Variants in RAPGEF4 observed in about 807,000 individuals in gnomAD.
RAPGEF4 encodes RAP guanine-nucleotide-exchange factor (GEF) 4.
A neutral mutation model predicts 147.9 loss-of-function variants in RAPGEF4; 66 were observed. The observed-to-expected ratio is 0.45, with a 90% confidence interval of 0.37 to 0.55. The LOEUF (loss-of-function observed/expected upper bound fraction) is 0.55, where lower values mean the gene tolerates loss of function less well. RAPGEF4 is among the 20% of genes least tolerant of loss of function. The probability of loss-of-function intolerance (pLI) is 0.00; values close to 1 mark genes in which losing one functional copy is unlikely to be tolerated. For missense variants in RAPGEF4, 1,071 were observed against 1,257.3 expected, an observed-to-expected ratio of 0.85 and a Z score of 2.24; for synonymous variants, 419 against 442.7, an observed-to-expected ratio of 0.95 and a Z score of 0.67.
intron 4 of RAPGEF4, among the ~76,000 whole-genome samples, chr2:172,893,274 AAGGCAGGGAGGCAC>A (rs896216224): frequency 1.6e-4 from 25 of 152,220 alleles, no homozygotes; most frequent in Non-Finnish European, 3.7e-4. Context: ...TGCCTGGGCA[AAGGCAGGGAGGCAC>A]AGACAGCCCC....
chr2:172,868,384 G>A (rs1405658397), intron 4 of RAPGEF4, among the ~76,000 whole-genome samples: 1 of 152,166 alleles, frequency 6.6e-6, no homozygotes, highest in Non-Finnish European at 1.5e-5. Context: ...ATTTCATTTT[G>A]TAGAATTAGA....
At chr2:172,741,518 T>C (rs1391150877) in intron 1 of RAPGEF4, among the ~76,000 whole-genome samples, 1 of 152,234 alleles carries the variant, frequency 6.6e-6, no homozygotes, top group Non-Finnish European at 1.5e-5. Flanking sequence ...CTAATGTGAA[T>C]ACTTTTTTAA....
intron 4 of RAPGEF4, among the ~76,000 whole-genome samples, chr2:172,888,655 A>T (rs374877803): frequency 6.6e-6 from 1 of 152,252 alleles, no homozygotes; most frequent in African/African-American, 2.4e-5. Flanking sequence ...TTTACCTTCT[A>T]TGAAAATATG....
intron 17 of RAPGEF4, among the ~76,000 whole-genome samples, chr2:173,013,443 A>C (rs1028216173): frequency 6.6e-6 from 1 of 152,248 alleles, no homozygotes; most frequent in Non-Finnish European, 1.5e-5. Flanking sequence ...ACAAGGCTAT[A>C]AAGTGGAGTT....
chr2:172,929,000 T>C (rs911686793), intron 6 of RAPGEF4, among the ~76,000 whole-genome samples: 1 of 152,196 alleles, frequency 6.6e-6, no homozygotes, highest in African/African-American at 2.4e-5. Context: ...TGGGAGAGTA[T>C]ATTGCTGTCT....
intron 18 of RAPGEF4, among the ~76,000 whole-genome samples, chr2:173,016,143 A>G (rs939243363): frequency 6.6e-6 from 1 of 152,172 alleles, no homozygotes; most frequent in African/African-American, 2.4e-5. Flanking sequence ...ATTGATTGCC[A>G]CTATTTCCAA....
intron 4 of RAPGEF4, among the ~76,000 whole-genome samples, chr2:172,896,797 T>C (rs1449760296): frequency 2.0e-5 from 3 of 152,226 alleles, no homozygotes; most frequent in African/African-American, 7.2e-5. Flanking sequence ...TCTATATATA[T>C]GCAAAGTTGT....
chr2:173,029,641 G>A (rs1696997999), intron 25 of RAPGEF4, among the ~76,000 whole-genome samples: 1 of 152,146 alleles, frequency 6.6e-6, no homozygotes. Context: ...TTGAGATTGA[G>A]TGCCCAGCCT....
Position 173,014,574 on chromosome 2 carries a change from A to T in RAPGEF4, c.1769A>T (p.Asp590Val). The T allele has an allele frequency of 6.2e-7, 1 of 1,613,864 alleles. No individual in the cohort carries two copies. Among genetic ancestry groups the T allele is most frequent in the Non-Finnish European group, 8.5e-7 (1 of 1,179,922 alleles). ...LVLQWAAMYG[D>V]LLQEDDVSMA... ...CTACAGTGGGCTGCCATGTATGGAG[A>T]CCTCCTGCAAGAGGATGACGTGTCT... Residue 590 changes from aspartate to valine, a missense_variant, in exon 18 of 31, where the codon GAC becomes GTC. Transcript: ENST00000397081.
chr2:172,778,205 G>A (rs1367341389), intron 1 of RAPGEF4, among the ~76,000 whole-genome samples: 1 of 152,190 alleles, frequency 6.6e-6, no homozygotes. Flanking sequence ...CTGGGTCAAA[G>A]TGATGCCTAC....
chr2:173,025,086 A>G (rs2105943891), intron 23 of RAPGEF4, among the ~76,000 whole-genome samples: 1 of 152,318 alleles, frequency 6.6e-6, no homozygotes, highest in South Asian at 2.1e-4. Context: ...AAATTCATTC[A>G]TGTTCCCCTC....
chr2:172,819,643 T>G (rs1304498579), intron 4 of RAPGEF4, among the ~76,000 whole-genome samples: 4 of 132,556 alleles, frequency 3.0e-5, no homozygotes, highest in Non-Finnish European at 6.6e-5. Context: ...TTTTTTGTAT[T>G]TTTAGTAGAG....
intron 6 of RAPGEF4, among the ~76,000 whole-genome samples, chr2:172,953,703 T>C (rs1688449907): frequency 6.6e-6 from 1 of 152,184 alleles, no homozygotes; most frequent in Admixed American, 6.5e-5. Flanking sequence ...GTTTTAAATG[T>C]TCAGCTCTTG....
chr2:172,786,793 T>C (rs184847537), intron 1 of RAPGEF4, among the ~76,000 whole-genome samples: 86 of 152,242 alleles, frequency 5.6e-4, no homozygotes, highest in Non-Finnish European at 1.0e-3. Flanking sequence ...GGAGGATTGC[T>C]TGAGGTTAGG....
intron 4 of RAPGEF4, among the ~76,000 whole-genome samples, chr2:172,850,708 C>T (rs1327801987): frequency 1.3e-5 from 2 of 152,128 alleles, no homozygotes; most frequent in Non-Finnish European, 2.9e-5. Flanking sequence ...CTAGCCAGAA[C>T]TATCTACTAT....
At chr2:172,893,194 C>T (rs1322450238) in intron 4 of RAPGEF4, among the ~76,000 whole-genome samples, 1 of 152,126 alleles carries the variant, frequency 6.6e-6, no homozygotes, top group South Asian at 2.1e-4. Context: ...GGGTCCACAG[C>T]GAGGAGTTGT....
At chr2:173,001,129 G>A (rs1172475575) in intron 16 of RAPGEF4, 137 bp from the exon 17 acceptor site, 7 of 1,245,220 alleles carry the variant, frequency 5.6e-6, no homozygotes, top group Non-Finnish European at 7.6e-6. Flanking sequence ...TATATGAAGT[G>A]CTTCCATGTA....
intron 23 of RAPGEF4, among the ~76,000 whole-genome samples, chr2:173,024,373 A>G (rs994997106): frequency 4.0e-5 from 6 of 148,582 alleles, no homozygotes; most frequent in African/African-American, 2.5e-5. Flanking sequence ...GCCCGCCACT[A>G]CGCCCGGCTA....
intron 1 of RAPGEF4, among the ~76,000 whole-genome samples, chr2:172,784,479 C>T (rs1229098841): frequency 2.0e-5 from 3 of 150,370 alleles, no homozygotes; most frequent in Non-Finnish European, 4.4e-5. Flanking sequence ...GATCGTGCCA[C>T]TGCACTCCAG....
Sources: gnomAD v4.1 joint callset for allele counts (sites outside exome capture counted in the v4.1 genomes callset) on GRCh38, gnomAD v4.1.1 for gene constraint, MANE v1.5 for transcripts, NCBI Gene and HGNC (gene_info 2026-07-23, HGNC 2026-07-21) for gene names.